EFCAB6: variants seen among roughly 807,000 people sequenced by gnomAD.
EFCAB6 encodes the protein EF-hand calcium-binding domain-containing protein 6.
Under a neutral mutation model 169.8 loss-of-function variants are expected in EFCAB6, and 156 were observed. The ratio of observed to expected loss-of-function variants is 0.92; its 90% CI spans 0.81 to 1.05. The LOEUF (loss-of-function observed/expected upper bound fraction) is 1.05. Among genes scored for constraint, EFCAB6 ranks in the 50% least tolerant of loss-of-function variants. The probability of loss-of-function intolerance (pLI) is 0.00; values close to 1 mark genes in which losing one functional copy is unlikely to be tolerated. For missense variants in EFCAB6, 1,800 were observed against 1,829.1 expected, an observed-to-expected ratio of 0.98 and a Z score of 0.29; for synonymous variants, 698 against 676.4, an observed-to-expected ratio of 1.03 and a Z score of -0.50.
At chr22:43,661,771 A>G (rs2057013322) in intron 17 of EFCAB6, among the ~76,000 whole-genome samples, 1 of 152,184 alleles carries the variant, frequency 6.6e-6, no homozygotes, top group African/African-American at 2.4e-5. Context: ...TATGTCTTAT[A>G]TTAAACAGGA....
chr22:43,675,438 T>A (rs2147023796), intron 13 of EFCAB6, among the ~76,000 whole-genome samples: 1 of 116,304 alleles, frequency 8.6e-6, no homozygotes, highest in South Asian at 2.6e-4. Context: ...AATATAGGAT[T>A]ATAATATAGT....
intron 23 of EFCAB6, among the ~76,000 whole-genome samples, chr22:43,596,275 G>A (rs554366839): frequency 1.2e-4 from 18 of 151,888 alleles, no homozygotes; most frequent in African/African-American, 3.4e-4. Flanking sequence ...GAAATAAAGC[G>A]CATCCAAATT....
intron 8 of EFCAB6, among the ~76,000 whole-genome samples, chr22:43,725,043 AGCTG>A (rs2059673341): frequency 6.6e-6 from 1 of 151,982 alleles, no homozygotes; most frequent in Non-Finnish European, 1.5e-5. Flanking sequence ...AAGGGACTGC[AGCTG>A]GCTGGCTTCT....
At chr22:43,747,894 T>C (rs914524781) in intron 6 of EFCAB6, among the ~76,000 whole-genome samples, 2 of 152,190 alleles carry the variant, frequency 1.3e-5, no homozygotes, top group African/African-American at 4.8e-5. Flanking sequence ...GCAACTTGTA[T>C]CACTTTATTC....
chr22:43,581,871 A>C (rs771484587), intron 24 of EFCAB6, among the ~76,000 whole-genome samples: 12 of 152,358 alleles, frequency 7.9e-5, no homozygotes, highest in Non-Finnish European at 1.6e-4. Flanking sequence ...CAGCGGGATA[A>C]ATTGCCAACG....
chr22:43,566,562 AAAGT>A (rs1036288720), intron 26 of EFCAB6, among the ~76,000 whole-genome samples: 2 of 152,184 alleles, frequency 1.3e-5, no homozygotes, highest in Admixed American at 1.3e-4. Context: ...CTGTATAGAC[AAAGT>A]AAGTGGGGCT....
At chr22:43,539,989 A>G (rs1254763669) in intron 28 of EFCAB6, 138 bp downstream of exon 28, 1 of 875,974 alleles carries the variant, frequency 1.1e-6, no homozygotes, top group African/African-American at 1.7e-5. Context: ...GGATCCTTGC[A>G]TGTGCCCCCA....
chr22:43,574,462 A>G (rs926885994), intron 26 of EFCAB6, among the ~76,000 whole-genome samples: 5 of 152,174 alleles, frequency 3.3e-5, no homozygotes, highest in African/African-American at 1.2e-4. Flanking sequence ...CAGGCATGAC[A>G]GTGAGATGAG....
intron 27 of EFCAB6, among the ~76,000 whole-genome samples, chr22:43,548,509 C>T (rs137155): frequency 0.62 from 85,168 of 137,350 alleles, 25,930 homozygotes; most frequent in East Asian, 0.78. Context: ...CACTGCACCC[C>T]GGTCTGGGTG....
intron 10 of EFCAB6, among the ~76,000 whole-genome samples, chr22:43,698,915 T>C (rs778308657): frequency 1.4e-4 from 22 of 152,222 alleles, no homozygotes; most frequent in Non-Finnish European, 2.2e-4. Flanking sequence ...TCTTTTTCTA[T>C]TCCCTCCATT....
At chr22:43,598,326 A>AACAAAC (rs1555953932) in intron 23 of EFCAB6, among the ~76,000 whole-genome samples, 6 of 148,654 alleles carry the variant, frequency 4.0e-5, no homozygotes, top group South Asian at 2.1e-4. Context: ...AAAAAAAAAA[A>AACAAAC]AAAAAAAAAA....
In EFCAB6 at chr22:43,569,626, G is replaced by A. The variant is rs1172301778; in HGVS notation, c.3420+6671C>T. Among the ~76,000 whole-genome samples the A allele has an allele frequency of 2.0e-5, 3 of 152,182 alleles. No individual in the cohort carries two copies. The East Asian group carries it at 5.8e-4, about 29-fold the overall frequency. ...GCGATAATACTCCTTCTGCCTTAGC[G>A]TGGCACAGGGGGCCTAGCAGCCCCT... On this transcript the variant is annotated intron_variant, in intron 26 of 31. Transcript: ENST00000262726.
At position 43,809,011 on chromosome 22, in the gene EFCAB6, A is replaced by G. The variant is rs1216408722; in HGVS notation, c.-24T>C. The G allele has an allele frequency of 1.3e-5, 2 of 152,276 alleles. No individual in the cohort carries two copies. Among genetic ancestry groups the G allele is most frequent in the African/African-American group, 4.8e-5 (2 of 41,482 alleles). The allele number at this position is 152,276 out of a possible 1,614,324, so 9.4% of individuals were successfully genotyped here. The stretch of plus-strand genomic sequence containing the variant: ...AAAACTTACTATTCAGAAATCTTCA[A>G]TCTCAAATATTCAGTTCAAATGCTA... On this transcript the variant is annotated 5_prime_UTR_variant, in exon 2 of 32. Coordinates refer to ENST00000262726, the MANE Select transcript of EFCAB6 (RefSeq NM_022785.4).
intron 10 of EFCAB6, among the ~76,000 whole-genome samples, chr22:43,697,276 T>C (rs2058609525): frequency 6.6e-6 from 1 of 152,176 alleles, no homozygotes; most frequent in Non-Finnish European, 1.5e-5. Flanking sequence ...TAACAAAACA[T>C]CATGGAGCCA....
intron 2 of EFCAB6, among the ~76,000 whole-genome samples, chr22:43,798,474 C>G (rs189869289): frequency 6.6e-6 from 1 of 152,312 alleles, no homozygotes; most frequent in Non-Finnish European, 1.5e-5. Flanking sequence ...CTTCAGGGAG[C>G]CTTCCTTGAC....
chr22:43,784,635 A>C (rs796116240), intron 2 of EFCAB6, among the ~76,000 whole-genome samples: 1 of 59,174 alleles, frequency 1.7e-5, no homozygotes, highest in Non-Finnish European at 3.4e-5. Context: ...ATATATATGT[A>C]TATGTACACA....
At chr22:43,767,088 T>C (rs1481107198) in intron 4 of EFCAB6, among the ~76,000 whole-genome samples, 1 of 152,172 alleles carries the variant, frequency 6.6e-6, no homozygotes, top group East Asian at 1.9e-4. Context: ...ATAAATCTAT[T>C]TCATCAAGCT....
At chr22:43,542,600 T>C (rs2047800341) in intron 27 of EFCAB6, among the ~76,000 whole-genome samples, 1 of 152,004 alleles carries the variant, frequency 6.6e-6, no homozygotes, top group Admixed American at 6.6e-5. Context: ...AATTCTGTGG[T>C]GCGGAGGAGG....
chr22:43,732,623 C>T (rs562664923), intron 7 of EFCAB6, among the ~76,000 whole-genome samples: 6 of 151,910 alleles, frequency 3.9e-5, no homozygotes, highest in East Asian at 1.9e-4. Context: ...TACACCACCA[C>T]GCCTGGCTAA....
Sources: gnomAD v4.1 joint callset for allele counts (sites outside exome capture counted in the v4.1 genomes callset) on GRCh38, gnomAD v4.1.1 for gene constraint, MANE v1.5 for transcripts, NCBI Gene and HGNC (gene_info 2026-07-23, HGNC 2026-07-21) for gene names.